Variants in RFTN1 observed in about 807,000 individuals in gnomAD.
RFTN1 encodes the protein raftlin, lipid raft linker 1.
In RFTN1, 26 loss-of-function variants were observed where a neutral mutation model predicts 46.5. The observed-to-expected ratio is 0.56, with a 90% CI of 0.41 to 0.78. RFTN1 has a LOEUF of 0.78. RFTN1 is among the 30% of genes least tolerant of loss of function. RFTN1 has a pLI of 0.00. For missense variants in RFTN1, 693 were observed against 718.7 expected (o/e 0.96, Z 0.41); for synonymous variants, 261 against 284.2 (o/e 0.92, Z 0.82).
rs970938795 is a variant in RFTN1 at position 16,429,326 on chromosome 3, C to T, written c.332+4525G>A. On this transcript the variant is annotated intron_variant, in intron 3 of 9. Coordinates refer to ENST00000334133, the MANE Select transcript of RFTN1 (RefSeq NM_015150.2). The surrounding 1 kb of genome is among the most constrained non-coding windows in gnomAD (Gnocchi z 6.4). ...CTCATTAATAATTTAGTTAGACTGT[C>T]AACGATGCTCTCCAATTACTCAAAT... Among the ~76,000 whole-genome samples the T allele has an allele frequency of 2.6e-5, 4 of 152,210 alleles. No individual in the cohort carries two copies. The highest frequency in any genetic ancestry group is 2.1e-4 in the South Asian group (1 of 4,830).
At position 16,342,023 on chromosome 3, in the gene RFTN1, T is replaced by C; in HGVS notation, c.1147-15147A>G. On this transcript the variant is annotated intron_variant, in intron 7 of 9. Transcript: ENST00000334133. The surrounding 1 kb of genome is among the most constrained non-coding windows in gnomAD (Gnocchi z 4.0). ...ATTATCTTTAATGACCACTTGTCACTTTTTTCAACATCTTTATTGATATAT... is the reference window on the plus strand; with the variant it reads ...ATTATCTTTAATGACCACTTGTCACCTTTTTCAACATCTTTATTGATATAT... Among the ~76,000 whole-genome samples the C allele has an allele frequency of 6.6e-6, 1 of 152,214 alleles. No homozygotes were observed. Among genetic ancestry groups the C allele is most frequent in the East Asian group, 1.9e-4 (1 of 5,202 alleles).
At chr3:16,415,409 G>GTGTATATATATATATA (rs1553589331) in intron 3 of RFTN1, among the ~76,000 whole-genome samples, 2 of 104,536 alleles carry the variant, frequency 1.9e-5, no homozygotes, top group African/African-American at 3.0e-5. Context: ...AGACAGTTGA[G>GTGTATATATATATATA]TATATATATA....
chr3:16,409,104 G>T (rs1459589276), intron 4 of RFTN1, among the ~76,000 whole-genome samples: 1 of 152,196 alleles, frequency 6.6e-6, no homozygotes, highest in Non-Finnish European at 1.5e-5. Flanking sequence ...GAGTCCCGGC[G>T]CAGGCCTGCA....
intron 1 of RFTN1, among the ~76,000 whole-genome samples, chr3:16,510,312 G>A (rs926733139): frequency 3.9e-5 from 6 of 152,152 alleles, no homozygotes; most frequent in East Asian, 3.9e-4. Context: ...GAAATCCCCC[G>A]GGAGTTTCTA....
At chr3:16,432,348 T>G (rs2075404651) in intron 3 of RFTN1, among the ~76,000 whole-genome samples, 1 of 151,902 alleles carries the variant, frequency 6.6e-6, no homozygotes. Flanking sequence ...CGAAACCCGG[T>G]CTCTACCCAA....
intron 3 of RFTN1, among the ~76,000 whole-genome samples, chr3:16,417,724 T>G (rs145344126): frequency 6.6e-6 from 1 of 152,294 alleles, no homozygotes; most frequent in Non-Finnish European, 1.5e-5. Context: ...GGGCAACGAG[T>G]GAAAGATTCT....
In RFTN1 at chr3:16,479,406, A is replaced by T. The variant is rs1004250718; in HGVS notation, c.145+14319T>A. Among the ~76,000 whole-genome samples, 2 of 152,222 alleles carry T rather than the reference A, an allele frequency of 1.3e-5. No homozygotes were observed. Among genetic ancestry groups the T allele is most frequent in the African/African-American group, 4.8e-5 (2 of 41,450 alleles). The stretch of plus-strand genomic sequence containing the variant: ...GTTTTTGTTTTCATTTACAGTCTCT[A>T]GATTGGCAAGAAACAGTGGTAAGAA... On this transcript the variant is annotated intron_variant, in intron 2 of 9. Transcript: ENST00000334133. The surrounding 1 kb of genome is among the most constrained non-coding windows in gnomAD (Gnocchi z 5.1).
intron 4 of RFTN1, among the ~76,000 whole-genome samples, chr3:16,404,936 C>A (rs938122088): frequency 1.3e-5 from 2 of 152,114 alleles, no homozygotes; most frequent in South Asian, 2.1e-4. Flanking sequence ...AGGGAGACTC[C>A]ACTGCCATTC....
rs1396037865 is a variant in RFTN1, at chr3:16,468,521, A to G, written c.145+25204T>C. 6.6e-6 allele frequency among the ~76,000 whole-genome samples: 1 copy of G among 151,980 alleles called. No homozygotes were observed. The highest frequency in any genetic ancestry group is 1.9e-4 in the East Asian group (1 of 5,154). ...AAAACACTTTAAGATGCCTTTTCAT[A>G]TCTTTGCTATCTTTAGATTAGATGC... On this transcript the variant is annotated intron_variant, in intron 2 of 9. Transcript: ENST00000334133. The surrounding 1 kb of genome is among the most constrained non-coding windows in gnomAD (Gnocchi z 4.4).
In RFTN1 at chr3:16,433,766, C is replaced by T. The variant is rs751961583; in HGVS notation, c.332+85G>A. ...AGGACAGCATGCAAATTTCAACCCC[C>T]AACCCCATCCTCTCACTTCCCCTCC... On this transcript the variant is annotated intron_variant, in intron 3 of 9. Transcript: ENST00000334133. This position sits in a 1 kb window ranked among gnomAD's most constrained non-coding sequence, Gnocchi z 4.4. 2.8e-6 allele frequency: 4 copies of T among 1,442,692 alleles called. No individual in the cohort carries two copies. The highest frequency in any genetic ancestry group is 3.9e-6 in the Non-Finnish European group (4 of 1,027,448). The allele number at this position is 1,442,692 out of a possible 1,614,324, so 89.4% of individuals were successfully genotyped here. A position where few individuals can be genotyped will look rare whatever the true frequency, so the allele number is the denominator to read the frequency against.
rs932580758 is a variant in RFTN1, at chr3:16,443,710, G to A, written c.146-9673C>T. On this transcript the variant is annotated intron_variant, in intron 2 of 9. Coordinates refer to ENST00000334133, the MANE Select transcript of RFTN1 (RefSeq NM_015150.2). This position sits in a 1 kb window ranked among gnomAD's most constrained non-coding sequence, Gnocchi z 5.5. ...GAGTTAAGTTGTTATTGGTTTGCTC[G>A]TCATTTCAGAGAATCACACATAGTC... is the stretch of plus-strand genomic sequence containing the variant. Among the ~76,000 whole-genome samples the A allele has an allele frequency of 2.6e-5, 4 of 151,098 alleles. No homozygotes were observed. Among genetic ancestry groups the A allele is most frequent in the Non-Finnish European group, 5.9e-5 (4 of 67,842 alleles).
chr3:16,319,602 G>T lies in RFTN1; in HGVS notation c.1333-2370C>A, dbSNP rs76232048. Among the ~76,000 whole-genome samples the T allele has an allele frequency of 4.7e-3, 720 of 152,276 alleles. 3 individuals carry two copies. Among genetic ancestry groups the T allele is most frequent in the African/African-American group, 0.016 (673 of 41,546 alleles). ...TAATATGAGCCCAGATACTCTCTCCGGGGCTGCTCTTGCTAAATAACAGAG... is the reference window on the plus strand; with the variant it reads ...TAATATGAGCCCAGATACTCTCTCCTGGGCTGCTCTTGCTAAATAACAGAG... On this transcript the variant is annotated intron_variant, in intron 9 of 9. Transcript: ENST00000334133.
chr3:16,467,651 G>T (rs1192951164), intron 2 of RFTN1, among the ~76,000 whole-genome samples: 10 of 152,228 alleles, frequency 6.6e-5, no homozygotes, highest in Admixed American at 6.5e-4. Flanking sequence ...CAAAAGAGGT[G>T]ATGACCGTGC....
At position 16,317,719 on chromosome 3, in the gene RFTN1, C is replaced by T. The variant is rs1035879140; in HGVS notation, c.1333-487G>A. 6.6e-6 allele frequency among the ~76,000 whole-genome samples: 1 copy of T among 152,164 alleles called. No homozygotes were observed. Among genetic ancestry groups the T allele is most frequent in the Non-Finnish European group, 1.5e-5 (1 of 68,038 alleles). The stretch of plus-strand genomic sequence containing the variant: ...CCCAGAACATGGGGCAGACACTGTG[C>T]TGTACCGCTCAGATCCCCCCACAGG... On this transcript the variant is annotated intron_variant, in intron 9 of 9. Transcript: ENST00000334133. This position sits in a 1 kb window ranked among gnomAD's most constrained non-coding sequence, Gnocchi z 4.3.
rs572981437 is a variant in RFTN1 at position 16,410,015 on chromosome 3, G to C, written c.333-532C>G. On this transcript the variant is annotated intron_variant, in intron 3 of 9. Transcript: ENST00000334133. This position sits in a 1 kb window ranked among gnomAD's most constrained non-coding sequence, Gnocchi z 4.6. ...GAATATTTTTTTTTTTTTTTAAAAA[G>C]AATCATTGGGTCTTTAATGAAGCCC... is the stretch of plus-strand genomic sequence containing the variant. 1.7e-4 allele frequency among the ~76,000 whole-genome samples: 26 copies of C among 148,842 alleles called. No individual in the cohort carries two copies. The highest frequency in any genetic ancestry group is 3.7e-4 in the Non-Finnish European group (25 of 67,304).
chr3:16,417,883 T>A (rs2075112980), intron 3 of RFTN1, among the ~76,000 whole-genome samples: 1 of 152,180 alleles, frequency 6.6e-6, no homozygotes, highest in Admixed American at 6.5e-5. Flanking sequence ...AATATTTATA[T>A]TTTTTATAGA....
rs528330657 is a variant in RFTN1 at position 16,479,219 on chromosome 3, C to T, written c.145+14506G>A. On this transcript the variant is annotated intron_variant, in intron 2 of 9. Coordinates refer to ENST00000334133, the MANE Select transcript of RFTN1 (RefSeq NM_015150.2). The surrounding 1 kb of genome is among the most constrained non-coding windows in gnomAD (Gnocchi z 5.1). Reference sequence around the variant, plus strand: ...TTGGCTGGTTCACCCCTCAGGGACACTGATCCCCATCACTTGCCTTAAGCC... The same window carrying T: ...TTGGCTGGTTCACCCCTCAGGGACATTGATCCCCATCACTTGCCTTAAGCC... Among the ~76,000 whole-genome samples the T allele has an allele frequency of 2.0e-5, 3 of 152,194 alleles. No individual in the cohort carries two copies. The highest frequency in any genetic ancestry group is 4.4e-5 in the Non-Finnish European group (3 of 68,032).
At chr3:16,478,950 T>C (rs371585682) in intron 2 of RFTN1, among the ~76,000 whole-genome samples, 23 of 152,182 alleles carry the variant, frequency 1.5e-4, no homozygotes, top group Admixed American at 2.0e-4. Flanking sequence ...TCGGAAGTGA[T>C]AACCCATCAC....
chr3:16,403,722 ATAT>A (rs1386334392), intron 4 of RFTN1, among the ~76,000 whole-genome samples: 1 of 19,858 alleles, frequency 5.0e-5, no homozygotes, highest in African/African-American at 2.2e-4. Context: ...TATATAATAT[ATAT>A]ATTATATATA....
Sources: gnomAD v4.1 joint callset for allele counts (sites outside exome capture counted in the v4.1 genomes callset) on GRCh38, gnomAD v4.1.1 for gene constraint, Gnocchi (gnomAD v3.1) non-coding constraint, MANE v1.5 for transcripts, NCBI Gene and HGNC (gene_info 2026-07-23, HGNC 2026-07-21) for gene names.